Variants in LINGO2 observed in about 807,000 individuals in gnomAD.
The protein encoded by LINGO2 is leucine rich repeat and Ig domain containing 2, also known as leucine-rich repeat and immunoglobulin-like domain-containing nogo receptor-interacting protein 2.
In LINGO2, 14 loss-of-function variants were observed where a neutral mutation model predicts 30.6. The observed-to-expected ratio is 0.46, with a 90% CI of 0.30 to 0.72. The LOEUF (loss-of-function observed/expected upper bound fraction) is 0.72, where lower values mean the gene tolerates loss of function less well. Ranked by LOEUF, LINGO2 falls within the 30% of genes least tolerant of loss-of-function variation. The pLI, the probability that LINGO2 is intolerant of heterozygous loss-of-function variation, is 0.07. For missense variants in LINGO2, 729 were observed against 751.7 expected, an observed-to-expected ratio of 0.97 and a Z score of 0.35; for synonymous variants, 317 against 288.5, an observed-to-expected ratio of 1.10 and a Z score of -1.00.
At chr9:27,963,489 TA>T (rs1819945531) in intron 5 of LINGO2, among the ~76,000 whole-genome samples, 1 of 152,086 alleles carries the variant, frequency 6.6e-6, no homozygotes, top group African/African-American at 2.4e-5. Context: ...GTATGTTGTT[TA>T]AAAAGAAAGT....
chr9:28,910,369 C>A, the LINGO2 span, among the ~76,000 whole-genome samples: 2 of 151,934 alleles, frequency 1.3e-5, no homozygotes, highest in Non-Finnish European at 2.9e-5. Flanking sequence ...CTAAATCATG[C>A]TAAATGTGAA....
At chr9:28,794,689 C>T in the LINGO2 span, among the ~76,000 whole-genome samples, 1 of 152,070 alleles carries the variant, frequency 6.6e-6, no homozygotes, top group Non-Finnish European at 1.5e-5. Flanking sequence ...AATTAGAAAA[C>T]TCTAATTGTC....
intron 4 of LINGO2, among the ~76,000 whole-genome samples, chr9:28,181,047 A>T (rs1174357697): frequency 6.6e-6 from 1 of 152,130 alleles, no homozygotes; most frequent in Non-Finnish European, 1.5e-5. Context: ...TTAGGTAAAA[A>T]TTCATTTCCC....
At chr9:28,958,420 G>A in the LINGO2 span, among the ~76,000 whole-genome samples, 1 of 152,066 alleles carries the variant, frequency 6.6e-6, no homozygotes, top group Non-Finnish European at 1.5e-5. Flanking sequence ...TACAGTAATG[G>A]CAAAACAAGT....
chr9:28,392,744 C>A (rs1348891410), intron 2 of LINGO2, among the ~76,000 whole-genome samples: 1 of 152,120 alleles, frequency 6.6e-6, no homozygotes, highest in Non-Finnish European at 1.5e-5. Context: ...CTATAAATCA[C>A]CTTATTACAA....
chr9:28,480,434 C>T (rs77525270), intron 1 of LINGO2, among the ~76,000 whole-genome samples: 187 of 151,994 alleles, frequency 1.2e-3, no homozygotes, highest in African/African-American at 4.1e-3. Context: ...GGAACAGGCT[C>T]AAGGAATCCA....
chr9:28,351,928 A>G (rs1209661013), intron 3 of LINGO2, among the ~76,000 whole-genome samples: 1 of 150,982 alleles, frequency 6.6e-6, no homozygotes, highest in East Asian at 2.0e-4. Flanking sequence ...GATGCAGAAA[A>G]AGCCTTTGAC....
intron 4 of LINGO2, among the ~76,000 whole-genome samples, chr9:28,054,755 C>T (rs936769943): frequency 9.2e-5 from 14 of 151,908 alleles, no homozygotes; most frequent in African/African-American, 3.4e-4. Context: ...CCACAAATAC[C>T]ATATTATAAG....
At chr9:28,785,782 T>C in the LINGO2 span, among the ~76,000 whole-genome samples, 1 of 152,164 alleles carries the variant, frequency 6.6e-6, no homozygotes, top group Non-Finnish European at 1.5e-5. Flanking sequence ...TAGCAATATA[T>C]AAGCTGATGA....
chr9:28,971,895 A>G, the LINGO2 span, among the ~76,000 whole-genome samples: 1 of 152,212 alleles, frequency 6.6e-6, no homozygotes, highest in Non-Finnish European at 1.5e-5. Flanking sequence ...TAGTGGTGGT[A>G]GCCACAAGGG....
the LINGO2 span, among the ~76,000 whole-genome samples, chr9:28,991,208 C>T: frequency 4.6e-5 from 7 of 151,582 alleles, no homozygotes; most frequent in South Asian, 2.1e-4. Context: ...TCGAGAACTA[C>T]GTGAAGAATG....
At chr9:28,044,529 G>T (rs1407891287) in intron 4 of LINGO2, among the ~76,000 whole-genome samples, 2 of 152,072 alleles carry the variant, frequency 1.3e-5, no homozygotes, top group Non-Finnish European at 2.9e-5. Flanking sequence ...TAATTTTAAA[G>T]TCCCTCCTTT....
the LINGO2 span, among the ~76,000 whole-genome samples, chr9:28,820,573 A>G: frequency 6.6e-6 from 1 of 152,224 alleles, no homozygotes; most frequent in Non-Finnish European, 1.5e-5. Flanking sequence ...CCAGAGCACA[A>G]AGATTTTAAA....
intron 1 of LINGO2, among the ~76,000 whole-genome samples, chr9:28,652,492 G>T (rs1346426261): frequency 1.3e-5 from 2 of 152,094 alleles, no homozygotes; most frequent in East Asian, 3.9e-4. Flanking sequence ...TACAGAGATA[G>T]AAGCAGATCC....
chr9:27,997,097 C>A (rs183057391), intron 5 of LINGO2, among the ~76,000 whole-genome samples: 150 of 152,240 alleles, frequency 9.9e-4, no homozygotes, highest in African/African-American at 3.5e-3. Context: ...CCTTACAATA[C>A]CATCAGTTAC....
chr9:28,388,222 G>A (rs1044413811), intron 2 of LINGO2, among the ~76,000 whole-genome samples: 1 of 151,990 alleles, frequency 6.6e-6, no homozygotes, highest in Non-Finnish European at 1.5e-5. Flanking sequence ...TGATAGAATC[G>A]CTCTTTTATG....
chr9:28,578,554 T>A (rs1219960797), intron 1 of LINGO2, among the ~76,000 whole-genome samples: 2 of 152,198 alleles, frequency 1.3e-5, no homozygotes, highest in African/African-American at 4.8e-5. Flanking sequence ...ACTCAATTTA[T>A]AACATGGTAG....
the LINGO2 span, among the ~76,000 whole-genome samples, chr9:28,855,657 A>G: frequency 6.6e-6 from 1 of 151,846 alleles, no homozygotes; most frequent in Non-Finnish European, 1.5e-5. Flanking sequence ...CCAGACATAC[A>G]CACACACACA....
intron 4 of LINGO2, among the ~76,000 whole-genome samples, chr9:28,174,496 T>TAC (rs1828687885): frequency 6.6e-6 from 1 of 151,928 alleles, no homozygotes; most frequent in Non-Finnish European, 1.5e-5. Context: ...GACATACAGG[T>TAC]ACACACACAC....
Sources: gnomAD v4.1 joint callset for allele counts (sites outside exome capture counted in the v4.1 genomes callset) on GRCh38, gnomAD v4.1.1 for gene constraint, MANE v1.5 for transcripts, NCBI Gene and HGNC (gene_info 2026-07-23, HGNC 2026-07-21) for gene names.